DRC3: variants seen among roughly 807,000 people sequenced by gnomAD.
DRC3 encodes dynein regulatory complex subunit 3.
A neutral mutation model predicts 57.6 loss-of-function variants in DRC3; 45 were observed. That is an observed-to-expected ratio of 0.78 (90% CI 0.62 to 1.00). The LOEUF (loss-of-function observed/expected upper bound fraction) is 1.00. DRC3 is among the 50% of genes least tolerant of loss of function. The pLI is 0.00. For missense variants in DRC3, 655 were observed against 675.2 expected, an observed-to-expected ratio of 0.97 and a Z score of 0.33; for synonymous variants, 257 against 272.3, an observed-to-expected ratio of 0.94 and a Z score of 0.55.
intron 12 of DRC3, among the ~76,000 whole-genome samples, chr17:18,013,999 C>T (rs1257363365): frequency 6.7e-6 from 1 of 148,280 alleles, no homozygotes; most frequent in African/African-American, 2.5e-5. Flanking sequence ...GTGGTGCAAT[C>T]TTGGCTCACT....
chr17:17,978,849 C>T (rs1484722260), intron 3 of DRC3, among the ~76,000 whole-genome samples: 1 of 152,210 alleles, frequency 6.6e-6, no homozygotes, highest in Admixed American at 6.5e-5. Context: ...TGAACACCTG[C>T]CTGTTACATG....
chr17:17,974,979 T>G (rs147689152), intron 2 of DRC3, among the ~76,000 whole-genome samples: 21 of 152,284 alleles, frequency 1.4e-4, no homozygotes, highest in African/African-American at 5.1e-4. Flanking sequence ...AAGGCTTAGA[T>G]AGGTGAAGTG....
chr17:17,997,706 G>A, intron 9 of DRC3, 72 bp downstream of exon 9: 6 of 1,365,768 alleles, frequency 4.4e-6, no homozygotes, highest in Non-Finnish European at 5.9e-6. Context: ...CACTCCCACT[G>A]TAGGGGGACT....
intron 11 of DRC3, chr17:18,006,749 G>A (rs2145423606): frequency 2.3e-6 from 1 of 433,540 alleles, no homozygotes; most frequent in Non-Finnish European, 4.3e-6. Context: ...GGTGCCAAAT[G>A]CACAGGGTGA....
intron 2 of DRC3, chr17:17,977,297 A>G (rs1427159865): frequency 2.5e-6 from 1 of 396,360 alleles, no homozygotes; most frequent in Non-Finnish European, 4.7e-6. Flanking sequence ...CAGGCTAGGG[A>G]GACCAGTGTG....
At chr17:17,977,229 G>T (rs1365725073) in intron 2 of DRC3, among the ~76,000 whole-genome samples, 1 of 152,188 alleles carries the variant, frequency 6.6e-6, no homozygotes, top group African/African-American at 2.4e-5. Flanking sequence ...AAGTGAGGAT[G>T]GGCATACAAA....
chr17:17,981,034 C>G (rs1264934288), intron 3 of DRC3, among the ~76,000 whole-genome samples: 2 of 152,200 alleles, frequency 1.3e-5, no homozygotes, highest in Non-Finnish European at 2.9e-5. Flanking sequence ...GGAGCAGCAG[C>G]GCTGCCTCTC....
At chr17:17,981,205 C>T (rs778641389) in intron 3 of DRC3, 5 of 244,786 alleles carry the variant, frequency 2.0e-5, no homozygotes, top group South Asian at 5.7e-5. Context: ...GGCTGCTCTG[C>T]AGTTGGGGCA....
intron 10 of DRC3, 41 bp from the exon 11 acceptor site, chr17:18,006,142 A>T: frequency 6.8e-7 from 1 of 1,468,338 alleles, no homozygotes; most frequent in Non-Finnish European, 9.5e-7. Context: ...TGTGCTGGAC[A>T]TCTAAATATG....
chr17:17,985,075 T>C (rs539702514), intron 4 of DRC3, among the ~76,000 whole-genome samples: 2 of 152,292 alleles, frequency 1.3e-5, no homozygotes, highest in East Asian at 1.9e-4. Flanking sequence ...TTAATGCTGA[T>C]TCATGAATGC....
chr17:17,992,494 T>G (rs780573912), intron 5 of DRC3, among the ~76,000 whole-genome samples: 12 of 152,168 alleles, frequency 7.9e-5, no homozygotes, highest in Non-Finnish European at 1.8e-4. Flanking sequence ...TCACAGATGT[T>G]GGGTAACTTG....
intron 9 of DRC3, among the ~76,000 whole-genome samples, chr17:18,004,014 C>G (rs1048074231): frequency 6.6e-6 from 1 of 152,056 alleles, no homozygotes; most frequent in Admixed American, 6.6e-5. Context: ...GTGAAATGCT[C>G]TGAACCCCAT....
At position 18,016,584 on chromosome 17, in the gene DRC3, C is replaced by T; in HGVS notation, c.1485C>T (p.Asn495=). The change falls in exon 14 of 14, where the codon AAC becomes AAT. Residue 495 remains asparagine (N), a synonymous_variant. Transcript: ENST00000399187. The part of the protein sequence containing the change: ...DRIHKDEIMR[N]RKRVKEINQY... ...TTCACAAGGATGAGATCATGAGGAACCGCAAGCGCGTGAAGGAGATCAATC... is the reference window on the plus strand; with the variant it reads ...TTCACAAGGATGAGATCATGAGGAATCGCAAGCGCGTGAAGGAGATCAATC... The T allele has an allele frequency of 6.2e-7, 1 of 1,613,760 alleles. No individual in the cohort carries two copies.
intron 9 of DRC3, among the ~76,000 whole-genome samples, chr17:18,003,082 G>A (rs972931952): frequency 6.6e-6 from 1 of 152,250 alleles, no homozygotes; most frequent in African/African-American, 2.4e-5. Flanking sequence ...AAAGAGGTTT[G>A]GGCTAAGGCA....
intron 3 of DRC3, chr17:17,981,139 A>C (rs1425184787): frequency 1.1e-5 from 2 of 176,348 alleles, no homozygotes; most frequent in Non-Finnish European, 2.5e-5. Context: ...ACTATTGTAC[A>C]TTAGAAAAAG....
intron 12 of DRC3, chr17:18,011,598 C>T: frequency 5.9e-6 from 1 of 169,012 alleles, no homozygotes; most frequent in Non-Finnish European, 1.3e-5. Context: ...TGCTGATGTC[C>T]AGTATTGACA....
Position 18,000,381 on chromosome 17 carries a change from T to C in DRC3, c.999+2747T>C, listed in dbSNP as rs1010095662. Among the ~76,000 whole-genome samples the C allele has an allele frequency of 6.0e-5, 9 of 150,184 alleles. No homozygotes were observed. In the East Asian group the frequency reaches 1.2e-3, roughly 20 times the overall value. ...GAGTGTGTGTGTGTGTGTGTGTGTGTGCATAGCATGCCTTGTTCTGTACTT... is the reference window on the plus strand; with the variant it reads ...GAGTGTGTGTGTGTGTGTGTGTGTGCGCATAGCATGCCTTGTTCTGTACTT... On this transcript the variant is annotated intron_variant, in intron 9 of 13. Coordinates refer to ENST00000399187, the MANE Select transcript of DRC3 (RefSeq NM_031294.4).
chr17:18,001,380 G>GT (rs1264862690), intron 9 of DRC3, among the ~76,000 whole-genome samples: 1 of 152,086 alleles, frequency 6.6e-6, no homozygotes, highest in Non-Finnish European at 1.5e-5. Flanking sequence ...ATGCATGCCT[G>GT]TAATCCCAGC....
intron 12 of DRC3, among the ~76,000 whole-genome samples, chr17:18,009,450 T>C (rs1267811467): frequency 1.3e-5 from 2 of 152,128 alleles, no homozygotes; most frequent in African/African-American, 4.8e-5. Flanking sequence ...GACATTTGAC[T>C]GGGGGCCTCC....
Sources: gnomAD v4.1 joint callset for allele counts (sites outside exome capture counted in the v4.1 genomes callset) on GRCh38, gnomAD v4.1.1 for gene constraint, MANE v1.5 for transcripts, NCBI Gene and HGNC (gene_info 2026-07-23, HGNC 2026-07-21) for gene names.